The following GALNTL6 variants were observed in gnomAD, a reference collection of about 807,000 sequenced individuals.
GALNTL6 encodes the protein polypeptide N-acetylgalactosaminyltransferase like 6.
Under a neutral mutation model 73.7 loss-of-function variants are expected in GALNTL6, and 46 were observed. That is an observed-to-expected ratio of 0.62 (90% CI 0.49 to 0.80). The LOEUF is 0.80. Among genes scored for constraint, GALNTL6 ranks in the 30% least tolerant of loss-of-function variants. The pLI, the probability that GALNTL6 is intolerant of heterozygous loss-of-function variation, is 0.00. For synonymous variants in GALNTL6, 259 were observed against 263.7 expected, an observed-to-expected ratio of 0.98 and a Z score of 0.17; for missense variants, 604 against 755.0, an observed-to-expected ratio of 0.80 and a Z score of 2.34.
chr4:172,886,451 A>G (rs914643734), intron 8 of GALNTL6, among the ~76,000 whole-genome samples: 1 of 152,050 alleles, frequency 6.6e-6, no homozygotes, highest in African/African-American at 2.4e-5. Flanking sequence ...CTGGCTAAAG[A>G]GTTGTTACAT....
intron 2 of GALNTL6, among the ~76,000 whole-genome samples, chr4:171,989,056 A>G (rs181581167): frequency 0.025 from 3,867 of 152,026 alleles, 101 homozygotes; most frequent in Non-Finnish European, 0.035. Context: ...TTAAAAGAGT[A>G]TTGTCTAAGT....
chr4:171,988,873 G>A (rs190316599), intron 2 of GALNTL6, among the ~76,000 whole-genome samples: 11 of 152,154 alleles, frequency 7.2e-5, no homozygotes, highest in African/African-American at 2.6e-4. Flanking sequence ...TATACTTGTG[G>A]CTTAAGGTGG....
chr4:172,978,101 C>T (rs141097238), intron 10 of GALNTL6, among the ~76,000 whole-genome samples: 21 of 152,246 alleles, frequency 1.4e-4, no homozygotes, highest in Admixed American at 3.3e-4. Flanking sequence ...CTTGGCTTCC[C>T]AAAGTGCTAG....
At chr4:172,933,660 C>A (rs572141690) in intron 9 of GALNTL6, among the ~76,000 whole-genome samples, 3 of 152,014 alleles carry the variant, frequency 2.0e-5, no homozygotes, top group African/African-American at 7.2e-5. Context: ...AAAAAAAGTA[C>A]ATTAAAATGA....
At chr4:173,001,614 A>T (rs772283672) in intron 10 of GALNTL6, among the ~76,000 whole-genome samples, 10 of 152,264 alleles carry the variant, frequency 6.6e-5, no homozygotes, top group Non-Finnish European at 8.8e-5. Context: ...TACAAGTCAT[A>T]TATCTGATAA....
At chr4:172,461,358 G>A (rs1732609103) in intron 5 of GALNTL6, among the ~76,000 whole-genome samples, 1 of 152,116 alleles carries the variant, frequency 6.6e-6, no homozygotes, top group Non-Finnish European at 1.5e-5. Context: ...AGAACTTAAA[G>A]TATAAGAAAT....
At chr4:172,252,114 A>G (rs1253015584) in intron 3 of GALNTL6, among the ~76,000 whole-genome samples, 1 of 152,146 alleles carries the variant, frequency 6.6e-6, no homozygotes, top group African/African-American at 2.4e-5. Flanking sequence ...AATAAAATGA[A>G]AAAGAGACAA....
chr4:171,945,383 A>G (rs903585471), intron 2 of GALNTL6, among the ~76,000 whole-genome samples: 1 of 152,138 alleles, frequency 6.6e-6, no homozygotes, highest in African/African-American at 2.4e-5. Flanking sequence ...TTTTTAAGGC[A>G]TAAGAGAAGA....
intron 4 of GALNTL6, 107 bp downstream of exon 4, chr4:172,311,859 TC>T: frequency 1.3e-6 from 1 of 750,858 alleles, no homozygotes; most frequent in Non-Finnish European, 2.0e-6. Flanking sequence ...AAATATTTTA[TC>T]CTAATAATTT....
At chr4:172,895,400 A>T (rs989956231) in intron 8 of GALNTL6, among the ~76,000 whole-genome samples, 1,006 of 96,596 alleles carry the variant, frequency 0.01, 16 homozygotes, top group African/African-American at 0.052. Context: ...ATATATATAT[A>T]TATTTTTTTT....
At chr4:171,858,335 A>G (rs1760920860) in intron 2 of GALNTL6, among the ~76,000 whole-genome samples, 1 of 152,134 alleles carries the variant, frequency 6.6e-6, no homozygotes, top group South Asian at 2.1e-4. Context: ...ACCACTAACA[A>G]AGGAGTTTTG....
intron 2 of GALNTL6, among the ~76,000 whole-genome samples, chr4:172,037,839 C>T (rs535136784): frequency 3.3e-5 from 5 of 152,198 alleles, no homozygotes; most frequent in Middle Eastern, 3.4e-3. Context: ...TTCTAGAGAC[C>T]GGGAGCGTTG....
intron 5 of GALNTL6, among the ~76,000 whole-genome samples, chr4:172,537,238 G>A (rs935877000): frequency 6.6e-6 from 1 of 152,212 alleles, no homozygotes; most frequent in Non-Finnish European, 1.5e-5. Flanking sequence ...GGAGGGGCCA[G>A]GGTGGAATGA....
At chr4:172,002,781 C>T (rs1307416615) in intron 2 of GALNTL6, among the ~76,000 whole-genome samples, 2 of 152,086 alleles carry the variant, frequency 1.3e-5, no homozygotes, top group Non-Finnish European at 2.9e-5. Context: ...GAAGAACATA[C>T]TTTGATTCCC....
chr4:171,896,809 T>C (rs1578950443), intron 2 of GALNTL6, among the ~76,000 whole-genome samples: 1 of 152,148 alleles, frequency 6.6e-6, no homozygotes, highest in African/African-American at 2.4e-5. Flanking sequence ...GAAAATTAAG[T>C]ATGTAGACTG....
chr4:172,413,636 AT>A (rs1287595012), intron 5 of GALNTL6, among the ~76,000 whole-genome samples: 3 of 145,334 alleles, frequency 2.1e-5, no homozygotes, highest in African/African-American at 7.7e-5. Flanking sequence ...AAAGGTTGTA[AT>A]TTATCTTCTT....
intron 3 of GALNTL6, 44 bp from the exon 4 acceptor site, chr4:172,311,570 G>A: frequency 6.6e-7 from 1 of 1,525,982 alleles, no homozygotes; most frequent in Non-Finnish European, 8.9e-7. Context: ...AAGATAAAAT[G>A]GCTTTTATAG....
intron 2 of GALNTL6, among the ~76,000 whole-genome samples, chr4:172,048,339 C>G (rs1457207598): frequency 6.6e-6 from 1 of 152,110 alleles, no homozygotes; most frequent in African/African-American, 2.4e-5. Context: ...TACCCAGAAG[C>G]CAAAACTTAC....
rs545918406 is a variant in GALNTL6 at position 172,276,107 on chromosome 4, C to T, written c.248-35507C>T. The stretch of plus-strand genomic sequence containing the variant: ...CCTAAAAAAGTAAGACAATAATTTC[C>T]AAGATTGTCTTGCAGCTAGGCATGG... On this transcript the variant is annotated intron_variant, in intron 3 of 12. Transcript: ENST00000506823. Among the ~76,000 whole-genome samples the T allele has an allele frequency of 2.6e-5, 4 of 152,268 alleles. No homozygotes were observed. In the South Asian group the frequency reaches 6.2e-4, roughly 24 times the overall value.
Sources: gnomAD v4.1 joint callset for allele counts (sites outside exome capture counted in the v4.1 genomes callset) on GRCh38, gnomAD v4.1.1 for gene constraint, MANE v1.5 for transcripts, NCBI Gene and HGNC (gene_info 2026-07-23, HGNC 2026-07-21) for gene names.